AFF1: variants seen among roughly 807,000 people sequenced by gnomAD.
AFF1 encodes ALF transcription elongation factor 1, also known as AF4/FMR2 family member 1.
Under a neutral mutation model 121.7 loss-of-function variants are expected in AFF1, and 48 were observed. The ratio of observed to expected loss-of-function variants is 0.39; its 90% CI spans 0.31 to 0.50. AFF1 has a LOEUF of 0.50. AFF1 is among the 20% of genes least tolerant of loss of function. The probability of loss-of-function intolerance (pLI) is 0.76; values close to 1 mark genes in which losing one functional copy is unlikely to be tolerated. For missense variants in AFF1, 1,523 were observed against 1,511.7 expected (o/e 1.01, Z -0.12); for synonymous variants, 613 against 563.0 (o/e 1.09, Z -1.26).
chr4:87,112,395 A>G (rs1355315426), intron 11 of AFF1, among the ~76,000 whole-genome samples: 2 of 152,262 alleles, frequency 1.3e-5, no homozygotes, highest in African/African-American at 4.8e-5. Context: ...AGGAAGCCGT[A>G]AGGAAGATAA....
At chr4:87,059,808 C>G (rs1051739944) in intron 4 of AFF1, among the ~76,000 whole-genome samples, 1 of 152,188 alleles carries the variant, frequency 6.6e-6, no homozygotes, top group Non-Finnish European at 1.5e-5. Context: ...GCACTTCTCC[C>G]TTGGTATCAT....
intron 10 of AFF1, among the ~76,000 whole-genome samples, chr4:87,107,376 G>T (rs895979468): frequency 6.6e-6 from 1 of 152,180 alleles, no homozygotes; most frequent in African/African-American, 2.4e-5. Flanking sequence ...TGTGATCAAT[G>T]TGTTTTCTTA....
intron 18 of AFF1, 135 bp downstream of exon 18, chr4:87,131,999 C>A: frequency 1.2e-6 from 1 of 829,822 alleles, no homozygotes; most frequent in Non-Finnish European, 1.8e-6. Flanking sequence ...AAAGGTTAAT[C>A]CCTCACTGAT....
chr4:87,076,426 A>T (rs529192244), intron 4 of AFF1, among the ~76,000 whole-genome samples: 1 of 152,204 alleles, frequency 6.6e-6, no homozygotes, highest in Admixed American at 6.5e-5. Flanking sequence ...TTTTTGCTAC[A>T]TATTAGAGCT....
At chr4:86,967,720 TC>T (rs1722632619) in intron 2 of AFF1, among the ~76,000 whole-genome samples, 1 of 151,980 alleles carries the variant, frequency 6.6e-6, no homozygotes, top group Non-Finnish European at 1.5e-5. Flanking sequence ...CAATTCTTAA[TC>T]ATTGGTTTTG....
At chr4:87,116,889 T>C (rs1209108515) in intron 12 of AFF1, among the ~76,000 whole-genome samples, 1 of 152,080 alleles carries the variant, frequency 6.6e-6, no homozygotes, top group Non-Finnish European at 1.5e-5. Flanking sequence ...AAAATTGTGA[T>C]GGACCTGGTT....
At chr4:86,991,326 T>C (rs1280839201) in intron 2 of AFF1, among the ~76,000 whole-genome samples, 1 of 151,826 alleles carries the variant, frequency 6.6e-6, no homozygotes, top group African/African-American at 2.4e-5. Context: ...GCACCTGTAG[T>C]CCCAGCTACT....
chr4:87,083,682 G>A (rs1256309385), intron 4 of AFF1, among the ~76,000 whole-genome samples: 1 of 152,098 alleles, frequency 6.6e-6, no homozygotes, highest in East Asian at 1.9e-4. Flanking sequence ...CTTTTAACCT[G>A]AGGGTCAACA....
intron 2 of AFF1, among the ~76,000 whole-genome samples, chr4:86,953,006 C>G (rs2053774): frequency 0.94 from 137,046 of 145,264 alleles, 65,082 homozygotes; most frequent in Non-Finnish European, 1. Context: ...GATTACAGGC[C>G]TGAGCCATGG....
At chr4:87,058,281 G>GT (rs1720360062) in intron 4 of AFF1, among the ~76,000 whole-genome samples, 1 of 152,144 alleles carries the variant, frequency 6.6e-6, no homozygotes, top group Admixed American at 6.5e-5. Context: ...GATGGCTTAT[G>GT]TACACTTTTA....
At chr4:87,073,522 TTAAA>T (rs1403318443) in intron 4 of AFF1, among the ~76,000 whole-genome samples, 1 of 152,154 alleles carries the variant, frequency 6.6e-6, no homozygotes. Context: ...TGTTTTGTTT[TTAAA>T]TAACGATGCC....
intron 6 of AFF1, among the ~76,000 whole-genome samples, chr4:87,090,717 T>C (rs1197173936): frequency 6.6e-6 from 1 of 152,154 alleles, no homozygotes; most frequent in Non-Finnish European, 1.5e-5. Flanking sequence ...GATACTGTTG[T>C]GAAAAGTAGT....
chr4:87,007,296 C>T, intron 2 of AFF1: 2 of 1,573,620 alleles, frequency 1.3e-6, no homozygotes, highest in South Asian at 2.3e-5. Flanking sequence ...GGGCGCCGCG[C>T]CGGGACGCGT....
intron 2 of AFF1, chr4:86,949,835 C>A (rs571396344): frequency 1.2e-6 from 2 of 1,613,892 alleles, no homozygotes; most frequent in Admixed American, 1.7e-5. Context: ...GATCCAGGAC[C>A]CCACCTCGTA....
At chr4:87,071,889 G>A (rs547059403) in intron 4 of AFF1, among the ~76,000 whole-genome samples, 1 of 152,276 alleles carries the variant, frequency 6.6e-6, no homozygotes, top group East Asian at 1.9e-4. Context: ...ATGTGGTTAA[G>A]TTAGATTGTG....
chr4:87,005,284 A>T (rs1375439024), intron 2 of AFF1, among the ~76,000 whole-genome samples: 1 of 152,146 alleles, frequency 6.6e-6, no homozygotes, highest in South Asian at 2.1e-4. Flanking sequence ...TGGCCTACCC[A>T]TGTATGATTC....
chr4:87,019,885 G>GGA lies in AFF1; in HGVS notation c.39-26280_39-26279insAG, dbSNP rs58484644. On this transcript the variant is annotated intron_variant, in intron 2 of 20. Transcript: ENST00000395146. ...CCTGTGACTGGTGTCTGAAGGGGTC[G>GGA]GGGGGGGGCAGTCTTGGGGACTGAG... Among the ~76,000 whole-genome samples, 13 of 31,602 alleles carry GGA rather than the reference G, an allele frequency of 4.1e-4. 1 individual carries two copies. In the East Asian group the frequency reaches 0.023, roughly 55 times the overall value. The allele number at this position is 31,602 out of a possible 152,430, so 20.7% of individuals were successfully genotyped here. A position where few individuals can be genotyped will look rare whatever the true frequency, so the allele number is the denominator to read the frequency against.
rs1729340616 is a variant in AFF1, at chr4:87,136,836, T to G, written c.*1135T>G. On this transcript the variant is annotated 3_prime_UTR_variant, in exon 21 of 21. Coordinates refer to ENST00000395146, the MANE Select transcript of AFF1 (RefSeq NM_001166693.3). ...AAACTAGACTTTCAGAGTCCTTGATTGTCTAGGGGAAGTTAACTCCCTGAG... is the reference window on the plus strand; with the variant it reads ...AAACTAGACTTTCAGAGTCCTTGATGGTCTAGGGGAAGTTAACTCCCTGAG... 1 of 220,788 alleles carries G rather than the reference T, an allele frequency of 4.5e-6. No homozygotes were observed. Among genetic ancestry groups the G allele is most frequent in the African/African-American group, 2.2e-5 (1 of 44,648 alleles). The allele number at this position is 220,788 out of a possible 1,614,324, so 13.7% of individuals were successfully genotyped here.
At chr4:87,002,334 G>A (rs868593919) in intron 2 of AFF1, among the ~76,000 whole-genome samples, 1 of 150,910 alleles carries the variant, frequency 6.6e-6, no homozygotes, top group African/African-American at 2.4e-5. Flanking sequence ...GGCCTCAAGT[G>A]ATCCTCCCAC....
Sources: gnomAD v4.1 joint callset for allele counts (sites outside exome capture counted in the v4.1 genomes callset) on GRCh38, gnomAD v4.1.1 for gene constraint, MANE v1.5 for transcripts, NCBI Gene and HGNC (gene_info 2026-07-23, HGNC 2026-07-21) for gene names.